NFIA: variants seen among roughly 807,000 people sequenced by gnomAD.
The protein encoded by NFIA is nuclear factor I A, also known as nuclear factor 1 A-type.
In NFIA, 8 loss-of-function variants were observed where a neutral mutation model predicts 62.8. The observed-to-expected ratio is 0.13, with a 90% CI of 0.07 to 0.23. The LOEUF (loss-of-function observed/expected upper bound fraction) is 0.23, where lower values mean the gene tolerates loss of function less well. NFIA is among the 10% of genes least tolerant of loss of function. The pLI is 1.00. For synonymous variants in NFIA, 235 were observed against 238.1 expected (o/e 0.99, Z 0.12); for missense variants, 410 against 642.1 (o/e 0.64, Z 3.91).
intron 6 of NFIA, among the ~76,000 whole-genome samples, chr1:61,361,782 GGTGTGT>G (rs61410878): frequency 0.39 from 55,403 of 141,938 alleles, 10,905 homozygotes; most frequent in East Asian, 0.66. Flanking sequence ...TTTGGTAAGA[GGTGTGT>G]GTGTGTGTGT....
intron 2 of NFIA, among the ~76,000 whole-genome samples, chr1:61,133,726 A>G (rs1301367008): frequency 1.3e-5 from 2 of 152,198 alleles, no homozygotes; most frequent in Non-Finnish European, 2.9e-5. Flanking sequence ...CCAGCTATTC[A>G]GGAGTCTGTG....
chr1:61,252,312 C>T (rs1656095007), intron 2 of NFIA, among the ~76,000 whole-genome samples: 1 of 152,154 alleles, frequency 6.6e-6, no homozygotes, highest in Non-Finnish European at 1.5e-5. Flanking sequence ...TTGTTTTTAC[C>T]AGTTGTGTGC....
At chr1:61,146,701 T>G (rs1004501578) in intron 2 of NFIA, among the ~76,000 whole-genome samples, 11 of 152,178 alleles carry the variant, frequency 7.2e-5, no homozygotes, top group African/African-American at 1.7e-4. Context: ...GTGGATTTAC[T>G]TGTTGCCCAC....
rs1411808673 is a variant in NFIA, at chr1:61,406,593, A to G, written c.1286A>G (p.Asn429Ser). The stretch of plus-strand genomic sequence containing the variant: ...GGGAGCAGCCAAGGCAAGGTGCACA[A>G]CCCATTCCTTCCCACCCCAATGTTG... The part of the protein sequence containing the change: ...PNGSSQGKVH[N>S]PFLPTPMLPP... The change falls in exon 9 of 11, where the codon AAC (asparagine) becomes AGC (serine). Residue 429 changes from asparagine (N) to serine (S), a missense_variant. Coordinates refer to ENST00000403491, the MANE Select transcript of NFIA (RefSeq NM_001134673.4). 4 of 1,388,720 alleles carry G rather than the reference A, an allele frequency of 2.9e-6. No homozygotes were observed. The highest frequency in any genetic ancestry group is 3.8e-6 in the Non-Finnish European group (4 of 1,045,466). The allele number at this position is 1,388,720 out of a possible 1,614,324, so 86.0% of individuals were successfully genotyped here. A position where few individuals can be genotyped will look rare whatever the true frequency, so the allele number is the denominator to read the frequency against.
chr1:61,235,322 G>A (rs990403241), intron 2 of NFIA, among the ~76,000 whole-genome samples: 5 of 151,900 alleles, frequency 3.3e-5, no homozygotes. Context: ...AATTAGCCAG[G>A]TGTGGTGGGT....
intron 2 of NFIA, chr1:61,251,132 T>G (rs1215933102): frequency 6.6e-6 from 1 of 152,242 alleles, no homozygotes; most frequent in Non-Finnish European, 1.5e-5. Flanking sequence ...AACTTAGCCC[T>G]GGCTCACTTT....
intron 2 of NFIA, among the ~76,000 whole-genome samples, chr1:61,191,287 G>A (rs1308120409): frequency 1.3e-5 from 2 of 152,100 alleles, no homozygotes; most frequent in African/African-American, 4.8e-5. Flanking sequence ...ATACGGGTAA[G>A]TAAAAGGAAC....
chr1:61,160,490 C>T (rs978560303), intron 2 of NFIA, among the ~76,000 whole-genome samples: 2 of 152,154 alleles, frequency 1.3e-5, no homozygotes, highest in African/African-American at 4.8e-5. Context: ...CAACAGAGAG[C>T]CTATCTGTGT....
At chr1:61,411,933 G>A (rs912979413) in intron 9 of NFIA, among the ~76,000 whole-genome samples, 19 of 151,740 alleles carry the variant, frequency 1.3e-4, no homozygotes, top group African/African-American at 3.6e-4. Context: ...AGTGGAGTGA[G>A]GATGCATTTG....
chr1:61,344,715 A>T (rs1301763946), intron 4 of NFIA, among the ~76,000 whole-genome samples: 1 of 152,228 alleles, frequency 6.6e-6, no homozygotes, highest in Non-Finnish European at 1.5e-5. Context: ...CTCTCTGAGG[A>T]TATGTACTAT....
chr1:61,307,375 T>C (rs1659859053), intron 3 of NFIA, among the ~76,000 whole-genome samples: 1 of 152,186 alleles, frequency 6.6e-6, no homozygotes. Flanking sequence ...CACTGGGTAA[T>C]AAATCCGTTG....
intron 10 of NFIA, among the ~76,000 whole-genome samples, chr1:61,434,098 T>C (rs186981380): frequency 1.3e-5 from 2 of 152,304 alleles, no homozygotes; most frequent in East Asian, 3.9e-4. Context: ...GCAGTCTAAG[T>C]GTACCATTGC....
At chr1:61,102,798 G>A (rs1646533920) in intron 2 of NFIA, among the ~76,000 whole-genome samples, 1 of 152,132 alleles carries the variant, frequency 6.6e-6, no homozygotes, top group Admixed American at 6.5e-5. Context: ...ACGATTGCCT[G>A]TCTTTAAATT....
intron 5 of NFIA, among the ~76,000 whole-genome samples, chr1:61,356,040 A>C (rs11207725): frequency 3.9e-5 from 6 of 152,198 alleles, no homozygotes; most frequent in African/African-American, 1.4e-4. Flanking sequence ...AAACTCAGAA[A>C]AGTATCAATA....
chr1:61,238,550 G>A (rs935183903), intron 2 of NFIA, among the ~76,000 whole-genome samples: 5 of 152,222 alleles, frequency 3.3e-5, no homozygotes, highest in East Asian at 1.9e-4. Context: ...GCCTTCCACC[G>A]TACACTGCTT....
At chr1:61,409,275 C>T (rs770643698) in intron 9 of NFIA, among the ~76,000 whole-genome samples, 19 of 152,134 alleles carry the variant, frequency 1.2e-4, no homozygotes, top group Non-Finnish European at 2.6e-4. Context: ...AATGTTCTAC[C>T]GATGACACAG....
chr1:61,219,472 T>C (rs964149597), intron 2 of NFIA, among the ~76,000 whole-genome samples: 1 of 151,876 alleles, frequency 6.6e-6, no homozygotes, highest in Non-Finnish European at 1.5e-5. Context: ...CCCAACACTT[T>C]AGGAGGCTGA....
chr1:61,095,187 C>G (rs1256536804), intron 2 of NFIA, among the ~76,000 whole-genome samples: 1 of 151,998 alleles, frequency 6.6e-6, no homozygotes, highest in Non-Finnish European at 1.5e-5. Flanking sequence ...TATTTTGGAC[C>G]TAGATCAATT....
intron 2 of NFIA, among the ~76,000 whole-genome samples, chr1:61,114,297 A>G (rs1646759199): frequency 6.6e-6 from 1 of 152,116 alleles, no homozygotes; most frequent in Non-Finnish European, 1.5e-5. Flanking sequence ...TCTAGCCTGG[A>G]CAACATAGCA....
Sources: allele counts gnomAD v4.1 joint callset (sites outside exome capture counted in the v4.1 genomes callset), GRCh38; gene constraint gnomAD v4.1.1; transcripts MANE v1.5; gene names NCBI Gene and HGNC (gene_info 2026-07-23, HGNC 2026-07-21).